SLC28A2: variants seen among roughly 807,000 people sequenced by gnomAD.
The protein encoded by SLC28A2 is solute carrier family 28 member 2.
SLC28A2 carries 69 observed loss-of-function variants against 72.9 expected under a neutral mutation model. That is an observed-to-expected ratio of 0.95 (90% CI 0.78 to 1.16). The LOEUF is 1.16. Among genes scored for constraint, SLC28A2 ranks in the 50% most tolerant of loss-of-function variants. The pLI is 0.00. For synonymous variants in SLC28A2, 296 were observed against 294.1 expected (o/e 1.01, Z -0.07); for missense variants, 745 against 791.1 (o/e 0.94, Z 0.70).
At chr15:45,271,290 A>C (rs908978973) in intron 15 of SLC28A2, among the ~76,000 whole-genome samples, 4 of 152,108 alleles carry the variant, frequency 2.6e-5, no homozygotes, top group African/African-American at 9.7e-5. Flanking sequence ...CTTAGGCTGG[A>C]TGTGGTGGCT....
At chr15:45,253,107 G>C (rs536808120) in intron 1 of SLC28A2, 93 bp from the exon 2 acceptor site, 1 of 718,276 alleles carries the variant, frequency 1.4e-6, no homozygotes, top group Non-Finnish European at 2.4e-6. Context: ...TTAGTTTTGC[G>C]TTTTCCATGG....
At chr15:45,266,749 G>A (rs1900349913) in intron 10 of SLC28A2, among the ~76,000 whole-genome samples, 1 of 152,156 alleles carries the variant, frequency 6.6e-6, no homozygotes, top group Admixed American at 6.5e-5. Context: ...TGTTCTCAGA[G>A]TACTTCTGGA....
At chr15:45,260,539 T>C (rs1180653513) in intron 3 of SLC28A2, among the ~76,000 whole-genome samples, 1 of 152,154 alleles carries the variant, frequency 6.6e-6, no homozygotes, top group Non-Finnish European at 1.5e-5. Flanking sequence ...GAAGGATCAC[T>C]TGAGCCCAGG....
At chr15:45,259,836 T>C (rs992083948) in intron 3 of SLC28A2, among the ~76,000 whole-genome samples, 6 of 152,026 alleles carry the variant, frequency 3.9e-5, no homozygotes, top group African/African-American at 1.4e-4. Context: ...GGTAAGTGAG[T>C]TGTGGTCAGG....
intron 3 of SLC28A2, among the ~76,000 whole-genome samples, chr15:45,254,902 T>A (rs1196240920): frequency 6.6e-6 from 1 of 152,172 alleles, no homozygotes; most frequent in East Asian, 1.9e-4. Flanking sequence ...TGGCCGTTAA[T>A]CATGTGAGTC....
At chr15:45,275,368 T>C (rs770336390) in intron 17 of SLC28A2, 28 bp from the exon 18 acceptor site, 2 of 1,339,160 alleles carry the variant, frequency 1.5e-6, no homozygotes, top group Admixed American at 1.7e-5. Flanking sequence ...TCTGACCCCT[T>C]ATGTACCTCT....
intron 6 of SLC28A2, 36 bp downstream of exon 6, chr15:45,264,058 C>T (rs764440160): frequency 2.5e-6 from 4 of 1,581,220 alleles, no homozygotes; most frequent in Non-Finnish European, 3.4e-6. Flanking sequence ...TATAGCAACA[C>T]ATGGCCAAGG....
chr15:45,259,376 G>A (rs1300006341), intron 3 of SLC28A2, among the ~76,000 whole-genome samples: 1 of 151,724 alleles, frequency 6.6e-6, no homozygotes, highest in Non-Finnish European at 1.5e-5. Flanking sequence ...TCACAATATT[G>A]CCCATGCTAA....
Position 45,265,145 on chromosome 15 carries a change from C to A in SLC28A2, c.759C>A (p.Val253=), listed in dbSNP as rs1595677010. 1 of 1,609,980 alleles carries A rather than the reference C, an allele frequency of 6.2e-7. No homozygotes were observed. ...GSSFVFGDTL[V]KDVFAFQALP... ...GTTTTGTCTTTGGGGATACACTGGT[C>A]AAGGATGTCTTTGCTTTTCAGGTGA... Residue 253 remains valine (V), a synonymous_variant, in exon 8 of 18, where the codon GTC becomes GTA. Transcript: ENST00000347644.
At chr15:45,270,804 T>A (rs8033317) in intron 15 of SLC28A2, among the ~76,000 whole-genome samples, 10,974 of 151,722 alleles carry the variant, frequency 0.072, 1,101 homozygotes, top group African/African-American at 0.23. Context: ...TATTATTATT[T>A]TTTTTGTATT....
chr15:45,267,532 G>C lies in SLC28A2; in HGVS notation c.1020G>C (p.Gly340=), dbSNP rs942368586. 1 of 1,614,120 alleles carries C rather than the reference G, an allele frequency of 6.2e-7. No homozygotes were observed. The highest frequency in any genetic ancestry group is 8.5e-7 in the Non-Finnish European group (1 of 1,180,002). ...AAATCCATGCGGTGATGACTGGAGG[G>C]TTTGCCACCATTTCTGGCACTGTGC... ...LSEIHAVMTG[G]FATISGTVLG... is the part of the protein sequence containing the mutation. The change falls in exon 11 of 18, where the codon GGG becomes GGC. Residue 340 remains glycine (G), a synonymous_variant. Coordinates refer to ENST00000347644, the MANE Select transcript of SLC28A2 (RefSeq NM_004212.4).
chr15:45,267,938 C>G lies in SLC28A2; in HGVS notation c.1199+142C>G, dbSNP rs150758617. On this transcript the variant is annotated intron_variant, in intron 12 of 17. Transcript: ENST00000347644. ...TTGCCTATCTCTGGTGCTTGCTAATCATGCTGGTTTTCTTCATTTAACCCT... is the reference window on the plus strand; with the variant it reads ...TTGCCTATCTCTGGTGCTTGCTAATGATGCTGGTTTTCTTCATTTAACCCT... The G allele has an allele frequency of 6.4e-4, 715 of 1,120,802 alleles. 1 individual carries two copies. The highest frequency in any genetic ancestry group is 8.9e-4 in the Non-Finnish European group (680 of 768,008). The allele number at this position is 1,120,802 out of a possible 1,614,324, so 69.4% of individuals were successfully genotyped here.
chr15:45,275,314 C>A (rs1900718411), intron 17 of SLC28A2, 82 bp from the exon 18 acceptor site: 2 of 789,656 alleles, frequency 2.5e-6, no homozygotes, highest in South Asian at 1.6e-5. Context: ...TTGTTTTCAG[C>A]TGCTTAGTAT....
Position 45,275,458 on chromosome 15 carries a change from G to A in SLC28A2, c.1922G>A (p.Ser641Asn). 2 of 1,613,814 alleles carry A rather than the reference G, an allele frequency of 1.2e-6. No individual in the cohort carries two copies. Among genetic ancestry groups the A allele is most frequent in the Admixed American group, 3.3e-5 (2 of 60,010 alleles). ...FSGPWEDKEF[S>N]AMALTNCCGF... ...GGTCCCTGGGAAGATAAGGAGTTCA[G>A]TGCTATGGCCCTTACTAACTGCTGT... Residue 641 changes from serine (S) to asparagine (N), a missense_variant, in exon 18 of 18, where the codon AGT becomes AAT. Ser to Asn is a conservative substitution (Grantham distance 46). Transcript: ENST00000347644.
intron 17 of SLC28A2, among the ~76,000 whole-genome samples, chr15:45,274,390 G>C (rs994779536): frequency 6.6e-6 from 1 of 152,108 alleles, no homozygotes; most frequent in African/African-American, 2.4e-5. Context: ...TGTGCCTGTA[G>C]TCCCAGCTAC....
intron 3 of SLC28A2, among the ~76,000 whole-genome samples, chr15:45,257,107 C>T (rs1900000979): frequency 6.6e-6 from 1 of 152,218 alleles, no homozygotes; most frequent in South Asian, 2.1e-4. Context: ...GCCTCCATGT[C>T]ATGCATGTCA....
intron 15 of SLC28A2, chr15:45,272,094 G>C: frequency 1.8e-6 from 1 of 542,676 alleles, no homozygotes; most frequent in East Asian, 3.0e-5. Flanking sequence ...TCTGAGGAAA[G>C]TCTAAGTTAG....
chr15:45,269,650 C>T (rs1900481566), intron 14 of SLC28A2, 115 bp downstream of exon 14: 2 of 843,998 alleles, frequency 2.4e-6, no homozygotes, highest in African/African-American at 1.7e-5. Context: ...TTTCTGGGGT[C>T]GCAGGCCTAA....
At chr15:45,273,831 A>G (rs137934148) in intron 17 of SLC28A2, among the ~76,000 whole-genome samples, 44 of 152,328 alleles carry the variant, frequency 2.9e-4, no homozygotes, top group East Asian at 9.6e-4. Context: ...TCAAGTGACT[A>G]TCTCTTTTCC....
Sources: allele counts gnomAD v4.1 joint callset (sites outside exome capture counted in the v4.1 genomes callset), GRCh38; gene constraint gnomAD v4.1.1; transcripts MANE v1.5; gene names NCBI Gene and HGNC (gene_info 2026-07-23, HGNC 2026-07-21).